The following TENM2 variants were observed in gnomAD, a reference collection of about 807,000 sequenced individuals.
TENM2 encodes the protein teneurin transmembrane protein 2.
In TENM2, 52 loss-of-function variants were observed where a neutral mutation model predicts 245.2. That is an observed-to-expected ratio of 0.21 (90% confidence interval 0.17 to 0.27). The LOEUF (loss-of-function observed/expected upper bound fraction) is 0.27. Ranked by LOEUF, TENM2 falls within the 10% of genes least tolerant of loss-of-function variation. The probability of loss-of-function intolerance (pLI) is 1.00; values close to 1 mark genes in which losing one functional copy is unlikely to be tolerated. For missense variants in TENM2, 3,046 were observed against 3,666.8 expected (o/e 0.83, Z 4.37); for synonymous variants, 1,363 against 1,438.9 (o/e 0.95, Z 1.19).
intron 2 of TENM2, chr5:167,653,847 A>C (rs1441871998): frequency 1.3e-5 from 2 of 152,192 alleles, no homozygotes; most frequent in African/African-American, 4.8e-5. Flanking sequence ...AGAAGTCTTT[A>C]TTCCTGTTGA....
chr5:168,078,621 G>A (rs1791695378), intron 7 of TENM2, among the ~76,000 whole-genome samples: 1 of 152,158 alleles, frequency 6.6e-6, no homozygotes, highest in African/African-American at 2.4e-5. Context: ...GTGTAAGGAA[G>A]GGATCCAGTT....
chr5:167,655,172 A>G (rs534137082), intron 2 of TENM2, among the ~76,000 whole-genome samples: 1 of 152,218 alleles, frequency 6.6e-6, no homozygotes, highest in Non-Finnish European at 1.5e-5. Flanking sequence ...AAGAAATATC[A>G]GAATCAAATC....
intron 2 of TENM2, among the ~76,000 whole-genome samples, chr5:167,818,096 T>C (rs1249161766): frequency 6.6e-6 from 1 of 152,236 alleles, no homozygotes; most frequent in Non-Finnish European, 1.5e-5. Flanking sequence ...AGTGTTACTT[T>C]ACAGTTAAAT....
intron 2 of TENM2, among the ~76,000 whole-genome samples, chr5:167,808,252 T>C (rs1766375817): frequency 6.6e-6 from 1 of 152,184 alleles, no homozygotes; most frequent in East Asian, 1.9e-4. Context: ...ATGGAACTTC[T>C]TTTTTGTTTG....
At chr5:167,995,948 G>A (rs1222411335) in intron 5 of TENM2, among the ~76,000 whole-genome samples, 1 of 152,086 alleles carries the variant, frequency 6.6e-6, no homozygotes, top group East Asian at 1.9e-4. Context: ...GCGCTTTTAA[G>A]GGCTGAGTCC....
At chr5:167,608,501 C>G (rs1200638721) in intron 2 of TENM2, among the ~76,000 whole-genome samples, 1 of 152,220 alleles carries the variant, frequency 6.6e-6, no homozygotes, top group African/African-American at 2.4e-5. Context: ...CTTCCCAGGT[C>G]TGACAGCATT....
intron 3 of TENM2, among the ~76,000 whole-genome samples, chr5:167,944,622 G>T (rs978291495): frequency 2.0e-5 from 3 of 152,174 alleles, no homozygotes; most frequent in African/African-American, 7.2e-5. Flanking sequence ...TCCAGGATTG[G>T]CACATCCATA....
intron 5 of TENM2, among the ~76,000 whole-genome samples, chr5:168,036,642 A>AT (rs1562081065): frequency 3.1e-4 from 34 of 108,074 alleles, no homozygotes; most frequent in South Asian, 2.4e-3. Flanking sequence ...ATCAAAAAAA[A>AT]AATATATATA....
the TENM2 span, among the ~76,000 whole-genome samples, chr5:167,172,966 C>A: frequency 6.6e-6 from 1 of 152,232 alleles, no homozygotes; most frequent in East Asian, 1.9e-4. Context: ...AAATCTAAAG[C>A]AGGGTCTGAA....
the TENM2 span, among the ~76,000 whole-genome samples, chr5:167,203,551 C>T: frequency 6.6e-6 from 1 of 152,252 alleles, no homozygotes; most frequent in Middle Eastern, 3.4e-3. Context: ...AAATTGATAA[C>T]TTTCTTTCAT....
chr5:167,877,816 A>AT (rs1199837408), intron 3 of TENM2, among the ~76,000 whole-genome samples: 6 of 152,218 alleles, frequency 3.9e-5, no homozygotes, highest in Non-Finnish European at 8.8e-5. Flanking sequence ...TCAGAACCTG[A>AT]TTTTAGCTAC....
At chr5:167,445,188 A>G (rs1765087140) in intron 2 of TENM2, among the ~76,000 whole-genome samples, 1 of 152,032 alleles carries the variant, frequency 6.6e-6, no homozygotes, top group South Asian at 2.1e-4. Flanking sequence ...GTGTAAATAA[A>G]TAATACCAAT....
chr5:167,794,069 C>A (rs1765159563), intron 2 of TENM2, among the ~76,000 whole-genome samples: 1 of 151,848 alleles, frequency 6.6e-6, no homozygotes, highest in African/African-American at 2.4e-5. Flanking sequence ...CTTTCCCCAA[C>A]AATTATTATT....
At chr5:167,120,299 G>C in the TENM2 span, among the ~76,000 whole-genome samples, 1 of 152,112 alleles carries the variant, frequency 6.6e-6, no homozygotes, top group African/African-American at 2.4e-5. Context: ...AAAATTAGGA[G>C]AAGGCCAAAC....
Position 167,760,936 on chromosome 5 carries a change from C to T in TENM2, c.503-115050C>T, listed in dbSNP as rs1412579193. Reference sequence around the variant, plus strand: ...AAAGTGCTGGGATTACAGGGGTGAGCCACCGCACCTGGCCTTACTGTTCTG... The same window carrying T: ...AAAGTGCTGGGATTACAGGGGTGAGTCACCGCACCTGGCCTTACTGTTCTG... On this transcript the variant is annotated intron_variant, in intron 2 of 28. Coordinates refer to ENST00000518659, the Ensembl canonical transcript of TENM2. Among the ~76,000 whole-genome samples the T allele has an allele frequency of 2.6e-5, 4 of 152,256 alleles. No individual in the cohort carries two copies. The East Asian group carries it at 7.7e-4, about 29-fold the overall frequency.
At chr5:168,002,135 T>C (rs1355489034) in intron 5 of TENM2, among the ~76,000 whole-genome samples, 2 of 152,222 alleles carry the variant, frequency 1.3e-5, no homozygotes, top group African/African-American at 4.8e-5. Flanking sequence ...ACCAAAGCCA[T>C]GGATGAGAAG....
At chr5:167,500,257 T>C (rs1311210851) in intron 2 of TENM2, among the ~76,000 whole-genome samples, 1 of 152,066 alleles carries the variant, frequency 6.6e-6, no homozygotes, top group African/African-American at 2.4e-5. Context: ...AGCAGGTCCA[T>C]CTTGTATTTA....
At chr5:168,229,167 T>C (rs1257514772) in intron 25 of TENM2, among the ~76,000 whole-genome samples, 5 of 138,212 alleles carry the variant, frequency 3.6e-5, no homozygotes, top group Admixed American at 2.2e-4. Flanking sequence ...TAATTATTAC[T>C]ATCTTCATTT....
At position 167,320,684 on chromosome 5, in the gene TENM2, C is replaced by T. The variant is rs1756659064; in HGVS notation, c.226+35621C>T. On this transcript the variant is annotated intron_variant, in intron 1 of 28. Transcript: ENST00000518659. Reference sequence around the variant, plus strand: ...CTTTCATGCTCTCTTGCTCACTTGACACCTTGCCTTCCAACATGTTGATGA... The same window carrying T: ...CTTTCATGCTCTCTTGCTCACTTGATACCTTGCCTTCCAACATGTTGATGA... 2.0e-5 allele frequency among the ~76,000 whole-genome samples: 3 copies of T among 152,162 alleles called. No individual in the cohort carries two copies. In the South Asian group the frequency reaches 6.2e-4, roughly 32 times the overall value.
Sources: allele counts gnomAD v4.1 joint callset (sites outside exome capture counted in the v4.1 genomes callset), GRCh38; gene constraint gnomAD v4.1.1; transcripts MANE v1.5; gene names NCBI Gene and HGNC (gene_info 2026-07-23, HGNC 2026-07-21).